Variants in TTLL5 observed in about 807,000 individuals in gnomAD.
TTLL5 encodes tubulin tyrosine ligase like 5.
TTLL5 carries 132 observed loss-of-function variants against 168.4 expected under a neutral mutation model. The observed-to-expected ratio is 0.78, with a 90% CI of 0.68 to 0.91. TTLL5 has a LOEUF of 0.91. Ranked by LOEUF, TTLL5 falls within the 40% of genes least tolerant of loss-of-function variation. TTLL5 has a pLI of 0.00. For missense variants in TTLL5, 1,545 were observed against 1,581.5 expected, an observed-to-expected ratio of 0.98 and a Z score of 0.39; for synonymous variants, 546 against 558.6, an observed-to-expected ratio of 0.98 and a Z score of 0.32.
chr14:75,707,533 C>G, intron 8 of TTLL5, 90 bp from the exon 9 acceptor site: 1 of 1,145,272 alleles, frequency 8.7e-7, no homozygotes, highest in East Asian at 2.5e-5. Flanking sequence ...AATGTTCTTT[C>G]TTTCATGTTT....
At chr14:75,866,510 G>A (rs1407397377) in intron 29 of TTLL5, among the ~76,000 whole-genome samples, 1 of 152,200 alleles carries the variant, frequency 6.6e-6, no homozygotes, top group African/African-American at 2.4e-5. Flanking sequence ...CGATGTTAAA[G>A]GAGGCCTTAT....
At chr14:75,873,825 A>G (rs1036557305) in intron 29 of TTLL5, among the ~76,000 whole-genome samples, 1 of 152,212 alleles carries the variant, frequency 6.6e-6, no homozygotes, top group Non-Finnish European at 1.5e-5. Context: ...GTAAATATAC[A>G]TGGCATTATG....
chr14:75,695,880 CTCCCCTCTCCTTCCTTCCCT>C (rs1330219928), intron 6 of TTLL5, among the ~76,000 whole-genome samples: 7 of 134,278 alleles, frequency 5.2e-5, no homozygotes, highest in Non-Finnish European at 1.1e-4. Context: ...TCCCCCTTCC[CTCCCCTCTCCTTCCTTCCCT>C]TCCCCTCCCC....
At position 75,954,209 on chromosome 14, in the gene TTLL5, C is replaced by T. The variant is rs368561110; in HGVS notation, c.3824-215C>T. On this transcript the variant is annotated intron_variant, in intron 31 of 31. Transcript: ENST00000298832. ...CGGAGCTTGCAGTGAGCCGAGATCG[C>T]GCCACTGCACTCCAGCCTGGGCGAC... 1.5e-3 allele frequency among the ~76,000 whole-genome samples: 219 copies of T among 146,192 alleles called. 1 individual carries two copies. The highest frequency in any genetic ancestry group is 5.3e-3 in the African/African-American group (209 of 39,188).
At position 75,776,855 on chromosome 14, in the gene TTLL5, T is replaced by G. The variant is rs776955815; in HGVS notation, c.2387+5T>G. 1 of 1,604,128 alleles carries G rather than the reference T, an allele frequency of 6.2e-7. No individual in the cohort carries two copies. The highest frequency in any genetic ancestry group is 8.5e-7 in the Non-Finnish European group (1 of 1,171,922). ...GGAGTTCATCAGACAAGCAAGGTAG[T>G]AGACATTCTTGATTGATAAAAGCTG... is the stretch of plus-strand genomic sequence containing the variant. On this transcript the variant is annotated splice_donor_5th_base_variant and intron_variant, in intron 23 of 31. Coordinates refer to ENST00000298832, the MANE Select transcript of TTLL5 (RefSeq NM_015072.5).
Position 75,726,907 on chromosome 14 carries a change from G to T in TTLL5, c.1043-5431G>T, listed in dbSNP as rs561803845. ...CATAATTTAATCCAAAGCTTAGGAT[G>T]ACAGAATTACAATAAAGGGAATACA... On this transcript the variant is annotated intron_variant, in intron 12 of 31. Transcript: ENST00000298832. Among the ~76,000 whole-genome samples, 39 of 152,212 alleles carry T rather than the reference G, an allele frequency of 2.6e-4. 1 individual carries two copies. The South Asian group carries it at 8.1e-3, about 32-fold the overall frequency.
intron 31 of TTLL5, among the ~76,000 whole-genome samples, chr14:75,930,132 TG>T (rs2034226638): frequency 6.6e-6 from 1 of 152,210 alleles, no homozygotes; most frequent in African/African-American, 2.4e-5. Context: ...TGGCCTTGCT[TG>T]TATGGTCTAT....
intron 7 of TTLL5, among the ~76,000 whole-genome samples, chr14:75,701,401 T>G (rs1187860404): frequency 1.3e-5 from 2 of 152,218 alleles, no homozygotes; most frequent in African/African-American, 4.8e-5. Flanking sequence ...GCCGCTGGTC[T>G]GGGTTTCTAC....
At chr14:75,681,121 GTA>G (rs2140116791) in intron 3 of TTLL5, among the ~76,000 whole-genome samples, 2 of 152,070 alleles carry the variant, frequency 1.3e-5, no homozygotes, top group East Asian at 3.9e-4. Flanking sequence ...TTTTATTAGT[GTA>G]TTAAATAACA....
chr14:75,686,263 C>T (rs1469173872), intron 5 of TTLL5, among the ~76,000 whole-genome samples: 1 of 152,062 alleles, frequency 6.6e-6, no homozygotes, highest in Non-Finnish European at 1.5e-5. Flanking sequence ...AGAATGTACC[C>T]CTGATATAAT....
intron 21 of TTLL5, among the ~76,000 whole-genome samples, chr14:75,774,432 G>C (rs1026310418): frequency 3.3e-5 from 5 of 152,132 alleles, no homozygotes; most frequent in Non-Finnish European, 5.9e-5. Flanking sequence ...TACTGTGATA[G>C]TTCTTTCTTT....
chr14:75,794,749 T>A (rs1892909124), intron 27 of TTLL5, among the ~76,000 whole-genome samples: 1 of 152,038 alleles, frequency 6.6e-6, no homozygotes, highest in African/African-American at 2.4e-5. Context: ...CTGAGGGAGG[T>A]GCTGTAGGAT....
intron 27 of TTLL5, among the ~76,000 whole-genome samples, chr14:75,812,254 A>T (rs1410802244): frequency 6.6e-6 from 1 of 152,104 alleles, no homozygotes; most frequent in African/African-American, 2.4e-5. Flanking sequence ...GGAGGAGGAG[A>T]GCAAGGGGTG....
At chr14:75,812,458 G>A (rs1229852079) in intron 27 of TTLL5, among the ~76,000 whole-genome samples, 1 of 152,134 alleles carries the variant, frequency 6.6e-6, no homozygotes, top group Non-Finnish European at 1.5e-5. Flanking sequence ...ATTTCTCAGG[G>A]CAGCATAGCA....
chr14:75,793,756 A>C (rs1892849772), intron 27 of TTLL5, among the ~76,000 whole-genome samples: 1 of 152,212 alleles, frequency 6.6e-6, no homozygotes, highest in East Asian at 1.9e-4. Context: ...GAGCTTTGTG[A>C]ATTCTCTTTG....
intron 29 of TTLL5, among the ~76,000 whole-genome samples, chr14:75,874,177 C>T (rs2031273595): frequency 6.6e-6 from 1 of 152,090 alleles, no homozygotes; most frequent in African/African-American, 2.4e-5. Flanking sequence ...CTGCAACCTC[C>T]ACCTCCCAGG....
At chr14:75,809,590 C>T (rs550749239) in intron 27 of TTLL5, among the ~76,000 whole-genome samples, 2 of 152,268 alleles carry the variant, frequency 1.3e-5, no homozygotes, top group Non-Finnish European at 2.9e-5. Flanking sequence ...AACAAGTCTT[C>T]CCTTGTGACT....
chr14:75,798,533 A>C (rs1893112602), intron 27 of TTLL5, among the ~76,000 whole-genome samples: 1 of 151,496 alleles, frequency 6.6e-6, no homozygotes, highest in Non-Finnish European at 1.5e-5. Flanking sequence ...TTGTTTCTCT[A>C]GTTCTCTGAG....
chr14:75,845,313 A>C (rs1424832032), intron 28 of TTLL5, among the ~76,000 whole-genome samples: 2 of 152,168 alleles, frequency 1.3e-5, no homozygotes, highest in Non-Finnish European at 2.9e-5. Context: ...TATGATCACA[A>C]TGTACTGGTC....
Sources: allele counts gnomAD v4.1 joint callset (sites outside exome capture counted in the v4.1 genomes callset), GRCh38; gene constraint gnomAD v4.1.1; transcripts MANE v1.5; gene names NCBI Gene and HGNC (gene_info 2026-07-23, HGNC 2026-07-21).